LRRIQ1: variants seen among roughly 807,000 people sequenced by gnomAD.
LRRIQ1 encodes the protein leucine-rich repeat- and IQ domain-containing protein 1.
Under a neutral mutation model 211.9 loss-of-function variants are expected in LRRIQ1, and 210 were observed. The observed-to-expected ratio is 0.99, with a 90% CI of 0.89 to 1.11. LRRIQ1 has a LOEUF of 1.11. Ranked by LOEUF, LRRIQ1 falls within the 50% of genes most tolerant of loss-of-function variation. The pLI is 0.00. For missense variants in LRRIQ1, 2,136 were observed against 1,939.5 expected (o/e 1.10, Z -1.90); for synonymous variants, 699 against 650.1 (o/e 1.08, Z -1.14).
At chr12:85,225,799 T>C (rs1414309812) in intron 24 of LRRIQ1, among the ~76,000 whole-genome samples, 1 of 152,202 alleles carries the variant, frequency 6.6e-6, no homozygotes, top group Non-Finnish European at 1.5e-5. Flanking sequence ...TTTATCCAGG[T>C]CACCCTTATT....
chr12:85,040,380 C>A, intron 2 of LRRIQ1, 110 bp from the exon 3 acceptor site: 1 of 520,100 alleles, frequency 1.9e-6, no homozygotes, highest in Non-Finnish European at 3.4e-6. Context: ...CTTTTTACTT[C>A]ATTTACATGT....
At chr12:85,270,443 A>T in the LRRIQ1 span, among the ~76,000 whole-genome samples, 1 of 152,062 alleles carries the variant, frequency 6.6e-6, no homozygotes, top group Non-Finnish European at 1.5e-5. Flanking sequence ...ACCTTAATGC[A>T]GTACACACAC....
Position 85,165,740 on chromosome 12 carries a change from A to T in LRRIQ1, c.4822+5026A>T, listed in dbSNP as rs140359151. Among the ~76,000 whole-genome samples, 1,100 of 152,192 alleles carry T rather than the reference A, an allele frequency of 7.2e-3. 18 individuals carry two copies. Among genetic ancestry groups the T allele is most frequent in the African/African-American group, 0.025 (1,032 of 41,530 alleles). On this transcript the variant is annotated intron_variant, in intron 24 of 26. Transcript: ENST00000393217. ...CGCCTTGGCCTCCCAAAGTGCTAGG[A>T]TTACAGGCATGAGCCACCGCGCCCG...
At chr12:85,194,448 A>C (rs1892776573) in intron 24 of LRRIQ1, among the ~76,000 whole-genome samples, 1 of 149,592 alleles carries the variant, frequency 6.7e-6, no homozygotes, top group African/African-American at 2.5e-5. Context: ...GCAAATATAA[A>C]AGAACAGAAA....
At chr12:85,188,238 G>A (rs991780178) in intron 24 of LRRIQ1, among the ~76,000 whole-genome samples, 4 of 152,040 alleles carry the variant, frequency 2.6e-5, no homozygotes, top group Admixed American at 6.6e-5. Flanking sequence ...GTTCTGGTTA[G>A]GCTAATTTAA....
intron 15 of LRRIQ1, among the ~76,000 whole-genome samples, chr12:85,120,459 A>C (rs899132174): frequency 6.6e-6 from 1 of 152,224 alleles, no homozygotes; most frequent in Non-Finnish European, 1.5e-5. Context: ...GAAATCAGTT[A>C]GTGTCAGTCT....
At chr12:85,234,661 C>T (rs926708895) in intron 26 of LRRIQ1, among the ~76,000 whole-genome samples, 6 of 151,812 alleles carry the variant, frequency 4.0e-5, no homozygotes, top group South Asian at 4.2e-4. Context: ...ATTACACAAT[C>T]GGTACAAGGC....
chr12:85,107,020 G>A (rs1886830589), intron 15 of LRRIQ1, among the ~76,000 whole-genome samples: 1 of 151,900 alleles, frequency 6.6e-6, no homozygotes, highest in African/African-American at 2.4e-5. Context: ...TAATAGAGAA[G>A]GATGGTGTCT....
At chr12:85,199,413 G>A (rs1290249803) in intron 24 of LRRIQ1, among the ~76,000 whole-genome samples, 1 of 152,008 alleles carries the variant, frequency 6.6e-6, no homozygotes, top group East Asian at 1.9e-4. Flanking sequence ...AGGTCAGATG[G>A]TAGTAGGTGT....
At chr12:85,076,588 AGTATT>A (rs932633845) in intron 11 of LRRIQ1, 1 of 788,246 alleles carries the variant, frequency 1.3e-6, no homozygotes, top group African/African-American at 1.9e-5. Flanking sequence ...ATTGCCCACT[AGTATT>A]GTAAATATGA....
intron 18 of LRRIQ1, among the ~76,000 whole-genome samples, chr12:85,132,134 A>G (rs1820175652): frequency 6.6e-6 from 1 of 152,198 alleles, no homozygotes. Context: ...GCCACAGTGA[A>G]TCAATCCTTT....
In LRRIQ1 at chr12:85,055,720, G is replaced by A. The variant is rs746946020; in HGVS notation, c.927G>A (p.Glu309=). The A allele has an allele frequency of 5.0e-6, 8 of 1,606,790 alleles. No homozygotes were observed. In the South Asian group the frequency reaches 7.9e-5, roughly 16 times the overall value. The change falls in exon 8 of 27, where the codon GAG becomes GAA. Residue 309 remains glutamate (E), a synonymous_variant. Coordinates refer to ENST00000393217, the MANE Select transcript of LRRIQ1 (RefSeq NM_001079910.2). ...AYQKYGPIIK[E]QIESKKRKAQ... ...AAAAATATGGCCCAATTATTAAAGA[G>A]CAAATTGAAAGTAAGAAAAGGAAAG...
intron 15 of LRRIQ1, among the ~76,000 whole-genome samples, chr12:85,120,610 A>G (rs1887902443): frequency 2.0e-5 from 3 of 152,250 alleles, no homozygotes; most frequent in Admixed American, 6.5e-5. Flanking sequence ...TCTATAGATC[A>G]ATAAGGGAAT....
At chr12:85,221,957 A>G (rs1333453061) in intron 24 of LRRIQ1, among the ~76,000 whole-genome samples, 2 of 152,180 alleles carry the variant, frequency 1.3e-5, no homozygotes, top group Non-Finnish European at 2.9e-5. Context: ...GTAATTCAGT[A>G]GAAACAATGG....
intron 10 of LRRIQ1, 151 bp from the exon 11 acceptor site, chr12:85,072,756 T>G: frequency 2.3e-6 from 1 of 429,002 alleles, no homozygotes; most frequent in Admixed American, 4.4e-5. Flanking sequence ...TTTAACCTTT[T>G]GAATCAAGTT....
At chr12:85,064,712 G>C (rs905009470) in intron 8 of LRRIQ1, among the ~76,000 whole-genome samples, 8 of 151,832 alleles carry the variant, frequency 5.3e-5, no homozygotes, top group African/African-American at 1.9e-4. Context: ...TGTGTGGTAA[G>C]AGATGGGGGT....
chr12:85,091,707 C>A (rs1251021202), intron 11 of LRRIQ1, among the ~76,000 whole-genome samples: 1 of 152,140 alleles, frequency 6.6e-6, no homozygotes, highest in Non-Finnish European at 1.5e-5. Flanking sequence ...CGGTTTTATT[C>A]TGGATGTGGA....
chr12:85,112,978 A>G (rs945377652), intron 15 of LRRIQ1, among the ~76,000 whole-genome samples: 6 of 152,090 alleles, frequency 3.9e-5, no homozygotes, highest in East Asian at 1.9e-4. Context: ...AGAGATAAAT[A>G]TCTCTCTTCA....
chr12:85,075,773 G>T (rs997001158), intron 11 of LRRIQ1, among the ~76,000 whole-genome samples: 1 of 151,872 alleles, frequency 6.6e-6, no homozygotes, highest in African/African-American at 2.4e-5. Context: ...AGGCTGAGTT[G>T]AGAGGAACTC....
Sources: allele counts gnomAD v4.1 joint callset (sites outside exome capture counted in the v4.1 genomes callset), GRCh38; gene constraint gnomAD v4.1.1; transcripts MANE v1.5; gene names NCBI Gene and HGNC (gene_info 2026-07-23, HGNC 2026-07-21).